The following PINLYP variants were observed in gnomAD, a reference collection of about 807,000 sequenced individuals.
PINLYP encodes the protein phospholipase A2 inhibitor and Ly6/PLAUR domain-containing protein.
In PINLYP, 12 loss-of-function variants were observed where a neutral mutation model predicts 15.8. That is an observed-to-expected ratio of 0.76 (90% CI 0.49 to 1.23). The LOEUF is 1.23. Ranked by LOEUF, PINLYP falls within the 50% of genes most tolerant of loss-of-function variation. The pLI is 0.00. For synonymous variants in PINLYP, 93 were observed against 97.7 expected (o/e 0.95, Z 0.28); for missense variants, 278 against 264.2 (o/e 1.05, Z -0.36).
Position 43,578,656 on chromosome 19 carries a change from G to A in PINLYP, c.137G>A (p.Cys46Tyr), listed in dbSNP as rs1429150285. The A allele has an allele frequency of 4.6e-6, 7 of 1,536,004 alleles. No individual in the cohort carries two copies. In the East Asian group the frequency reaches 9.8e-5, roughly 21 times the overall value. ...AGGTGCCATGGCCAAATGAAGACCT[G>A]CAGCAGTGACAAGGACACATGTGTG... Residue 46 changes from cysteine (C) to tyrosine (Y), a missense_variant, in exon 3 of 6, where the codon TGC (cysteine) becomes TAC (tyrosine). Coordinates refer to ENST00000599207, the Ensembl canonical transcript of PINLYP.
At chr19:43,578,746 T>C in intron 3 of PINLYP, 40 bp downstream of exon 3, 1 of 1,465,058 alleles carries the variant, frequency 6.8e-7, no homozygotes, top group Non-Finnish European at 9.2e-7. Context: ...GGAGGTGGGG[T>C]GTACCTTCAG....
exon 6 of PINLYP, chr19:43,581,897 G>T (rs932111002): frequency 6.5e-7 from 1 of 1,536,586 alleles, no homozygotes; most frequent in African/African-American, 1.4e-5. Flanking sequence ...TGCTATGCGG[G>T]GCTGTGCTAC....
intron 3 of PINLYP, chr19:43,580,970 G>C (rs2146084199): frequency 2.2e-6 from 1 of 450,980 alleles, no homozygotes; most frequent in East Asian, 3.9e-5. Flanking sequence ...GGGCATGGTG[G>C]CGGTCGCCTG....
In PINLYP at chr19:43,578,734, G is replaced by A. The variant is rs992261546; in HGVS notation, c.187+28G>A. ...AAGAGGATGTGGCCTGGGACCTGGT[G>A]GGGAGGTGGGGTGTACCTTCAGGGT... On this transcript the variant is annotated intron_variant, in intron 3 of 5. Transcript: ENST00000599207. 4.0e-6 allele frequency: 6 copies of A among 1,503,038 alleles called. No homozygotes were observed. The Admixed American group carries it at 7.9e-5, about 20-fold the overall frequency. The allele number at this position is 1,503,038 out of a possible 1,614,324, so 93.1% of individuals were successfully genotyped here.
chr19:43,576,872 C>T (rs557074271), exon 1 of PINLYP: 29 of 340,734 alleles, frequency 8.5e-5, no homozygotes, highest in Admixed American at 4.5e-4. Context: ...GGCCCAACTC[C>T]GTCTTGGTCT....
chr19:43,581,875 C>T, exon 6 of PINLYP: 1 of 1,536,776 alleles, frequency 6.5e-7, no homozygotes, highest in Non-Finnish European at 8.7e-7. Context: ...CAGGTATTTT[C>T]AAACCCAGAT....
chr19:43,578,316 G>A (rs538585728), intron 2 of PINLYP, among the ~76,000 whole-genome samples: 5 of 152,264 alleles, frequency 3.3e-5, no homozygotes, highest in East Asian at 3.9e-4. Flanking sequence ...CTTTCTCAGC[G>A]GACCCTGGCA....
At chr19:43,578,548 C>A in intron 2 of PINLYP, 42 bp from the exon 3 acceptor site, 1 of 1,453,302 alleles carries the variant, frequency 6.9e-7, no homozygotes, top group South Asian at 1.2e-5. Flanking sequence ...CCGAAGACCA[C>A]ACCACCCATG....
exon 6 of PINLYP, chr19:43,582,041 C>A (rs1408652434): frequency 6.5e-7 from 1 of 1,533,082 alleles, no homozygotes; most frequent in Admixed American, 2.0e-5. Flanking sequence ...AGTGTGAAGT[C>A]CCCATTTGTC....
At chr19:43,578,445 T>C in intron 2 of PINLYP, 145 bp from the exon 3 acceptor site, 1 of 579,628 alleles carries the variant, frequency 1.7e-6, no homozygotes, top group African/African-American at 1.9e-5. Flanking sequence ...GGACAGTTCC[T>C]TGGGCAGTGG....
At position 43,581,064 on chromosome 19, in the gene PINLYP, A is replaced by G. The variant is rs966561663; in HGVS notation, c.188-148A>G. The G allele has an allele frequency of 1.4e-4, 142 of 1,016,960 alleles. No individual in the cohort carries two copies. The African/African-American group carries it at 2.2e-3, about 16-fold the overall frequency. The allele number at this position is 1,016,960 out of a possible 1,614,324, so 63.0% of individuals were successfully genotyped here. Reference sequence around the variant, plus strand: ...CCAGCCTGGGCAACTCCGTCTAAAAAAAATAAGAAAAGAAAGAAAAAAAAG... The same window carrying G: ...CCAGCCTGGGCAACTCCGTCTAAAAGAAATAAGAAAAGAAAGAAAAAAAAG... On this transcript the variant is annotated intron_variant, in intron 3 of 5. Coordinates refer to ENST00000599207, the Ensembl canonical transcript of PINLYP.
chr19:43,576,815 A>G, exon 1 of PINLYP: 1 of 237,002 alleles, frequency 4.2e-6, no homozygotes, highest in Non-Finnish European at 8.3e-6. Context: ...AGGGGAAGAG[A>G]GAGAAGGAGA....
chr19:43,578,689 T>C, exon 3 of PINLYP: 1 of 1,535,752 alleles, frequency 6.5e-7, no homozygotes, highest in South Asian at 1.2e-5. Flanking sequence ...GTGCTCCTGG[T>C]CGGGAAGGCT....
At chr19:43,581,886 T>G (rs1163896820) in exon 6 of PINLYP, 2 of 1,536,778 alleles carry the variant, frequency 1.3e-6, no homozygotes, top group Non-Finnish European at 1.7e-6. Flanking sequence ...AAACCCAGAT[T>G]TGCTATGCGG....
intron 3 of PINLYP, among the ~76,000 whole-genome samples, chr19:43,579,789 C>G (rs1390627236): frequency 2.6e-5 from 4 of 151,458 alleles, no homozygotes; most frequent in Admixed American, 2.6e-4. Flanking sequence ...GTAGTCCCAG[C>G]CACTTGGGAG....
intron 3 of PINLYP, 132 bp from the exon 4 acceptor site, chr19:43,581,080 G>T (rs911832920): frequency 2.8e-6 from 3 of 1,072,778 alleles, no homozygotes; most frequent in Non-Finnish European, 3.9e-6. Context: ...AGAAAAGAAA[G>T]AAAAAAAAGA....
intron 5 of PINLYP, 21 bp from the exon 6 acceptor site, chr19:43,581,847 A>G (rs1972938458): frequency 2.0e-6 from 3 of 1,536,446 alleles, no homozygotes; most frequent in Non-Finnish European, 2.6e-6. Flanking sequence ...CCCTGATTCC[A>G]GTCTGAAATC....
chr19:43,577,135 C>T (rs762408335), exon 2 of PINLYP: 78 of 1,535,766 alleles, frequency 5.1e-5, no homozygotes, highest in Non-Finnish European at 6.1e-5. Flanking sequence ...GGTCCAGACC[C>T]ACCCCTCCTC....
chr19:43,581,958 A>G, exon 6 of PINLYP: 1 of 1,536,420 alleles, frequency 6.5e-7, no homozygotes, highest in East Asian at 2.4e-5. Flanking sequence ...ACAGGCACCA[A>G]TGTCCTCTTC....
Sources: gnomAD v4.1 joint callset for allele counts (sites outside exome capture counted in the v4.1 genomes callset) on GRCh38, gnomAD v4.1.1 for gene constraint, MANE v1.5 for transcripts, NCBI Gene and HGNC (gene_info 2026-07-23, HGNC 2026-07-21) for gene names.